The following COL28A1 variants were observed in gnomAD, a reference collection of about 807,000 sequenced individuals.
COL28A1 encodes the protein collagen alpha-1(XXVIII) chain.
In COL28A1, 161 loss-of-function variants were observed where a neutral mutation model predicts 150.2. That is an observed-to-expected ratio of 1.07 (90% CI 0.94 to 1.22). The LOEUF (loss-of-function observed/expected upper bound fraction) is 1.22. Among genes scored for constraint, COL28A1 ranks in the 50% most tolerant of loss-of-function variants. The pLI is 0.00. For missense variants in COL28A1, 1,617 were observed against 1,388.3 expected (o/e 1.16, Z -2.62); for synonymous variants, 552 against 469.7 (o/e 1.18, Z -2.26).
chr7:7,388,927 T>C (rs189320074), intron 27 of COL28A1, among the ~76,000 whole-genome samples: 1 of 152,294 alleles, frequency 6.6e-6, no homozygotes, highest in East Asian at 1.9e-4. Flanking sequence ...TAGCAAAAAT[T>C]TTCTCCCATT....
In COL28A1 at chr7:7,380,774, C is replaced by T; in HGVS notation, c.2286+8G>A. 1 of 1,613,494 alleles carries T rather than the reference C, an allele frequency of 6.2e-7. No homozygotes were observed. Among genetic ancestry groups the T allele is most frequent in the Non-Finnish European group, 8.5e-7 (1 of 1,179,508 alleles). ...TAAAATCACAGTGAGACATTAAAAA[C>T]TACTTGCCTGTTTTCCTGGAGATCC... is the stretch of plus-strand genomic sequence containing the variant. On this transcript the variant is annotated splice_region_variant and intron_variant, in intron 29 of 34. Coordinates refer to ENST00000399429, the MANE Select transcript of COL28A1 (RefSeq NM_001037763.3).
chr7:7,492,280 A>G (rs1299017228), intron 11 of COL28A1, among the ~76,000 whole-genome samples: 1 of 152,140 alleles, frequency 6.6e-6, no homozygotes, highest in Non-Finnish European at 1.5e-5. Flanking sequence ...TTGCTTTACT[A>G]TAAGAAGTCT....
intron 27 of COL28A1, among the ~76,000 whole-genome samples, chr7:7,413,193 A>G (rs955411056): frequency 1.3e-4 from 20 of 152,066 alleles, no homozygotes; most frequent in Non-Finnish European, 1.5e-5. Context: ...CATTGAGGCT[A>G]TTTTTTAAAA....
chr7:7,418,681 T>C (rs1343090044), intron 26 of COL28A1, among the ~76,000 whole-genome samples: 2 of 152,166 alleles, frequency 1.3e-5, no homozygotes, highest in Non-Finnish European at 1.5e-5. Context: ...AAGTCAGTCT[T>C]TTACTTTCCA....
chr7:7,374,038 A>AAAATATATATATATAT, intron 31 of COL28A1, among the ~76,000 whole-genome samples: 1 of 113,658 alleles, frequency 8.8e-6, no homozygotes, highest in African/African-American at 3.8e-5. Context: ...AAAAAAAAAA[A>AAAATATATATATATAT]ATATATATAT....
At chr7:7,459,256 C>T (rs1787410504) in intron 15 of COL28A1, among the ~76,000 whole-genome samples, 2 of 152,236 alleles carry the variant, frequency 1.3e-5, no homozygotes, top group South Asian at 4.1e-4. Flanking sequence ...GTTCTCGCTG[C>T]TCCAAAGGAA....
intron 27 of COL28A1, among the ~76,000 whole-genome samples, chr7:7,390,451 TTC>T (rs1412364116): frequency 6.6e-6 from 1 of 152,154 alleles, no homozygotes; most frequent in Non-Finnish European, 1.5e-5. Context: ...GCCTGAAATT[TTC>T]TCTTTTTGTT....
At chr7:7,493,029 T>G (rs571805958) in intron 11 of COL28A1, among the ~76,000 whole-genome samples, 1 of 146,910 alleles carries the variant, frequency 6.8e-6, no homozygotes, top group East Asian at 2.0e-4. Flanking sequence ...ATATATAATG[T>G]TATATAATAT....
intron 15 of COL28A1, among the ~76,000 whole-genome samples, chr7:7,458,055 G>GC (rs1302368162): frequency 6.6e-6 from 1 of 152,166 alleles, no homozygotes; most frequent in Non-Finnish European, 1.5e-5. Flanking sequence ...CATTTTATTT[G>GC]TAAAAACAGG....
chr7:7,529,289 CAAAAAAA>C (rs5882129), intron 3 of COL28A1, among the ~76,000 whole-genome samples: 1 of 127,310 alleles, frequency 7.9e-6, no homozygotes, highest in Admixed American at 8.3e-5. Flanking sequence ...AACTCTGTCT[CAAAAAAA>C]AAAAAAAAAA....
At chr7:7,381,172 TCCTACATGGTA>T (rs1781852594) in intron 28 of COL28A1, among the ~76,000 whole-genome samples, 1 of 152,196 alleles carries the variant, frequency 6.6e-6, no homozygotes. Flanking sequence ...ATCTGGTATC[TCCTACATGGTA>T]TGTTGTAAGT....
chr7:7,391,449 T>C (rs1379976410), intron 27 of COL28A1, among the ~76,000 whole-genome samples: 2 of 152,172 alleles, frequency 1.3e-5, no homozygotes, highest in Non-Finnish European at 2.9e-5. Context: ...AGAATGCATA[T>C]TCTGCTGATT....
chr7:7,353,231 T>C (rs781780513), downstream of COL28A1, among the ~76,000 whole-genome samples: 28 of 152,172 alleles, frequency 1.8e-4, no homozygotes, highest in Admixed American at 1.2e-3. Context: ...ACTGATAACA[T>C]TGATTACAAG....
chr7:7,488,134 C>T (rs9969154), intron 13 of COL28A1, among the ~76,000 whole-genome samples: 1,664 of 152,238 alleles, frequency 0.011, 23 homozygotes, highest in African/African-American at 0.038. Context: ...GCACTTAGTC[C>T]TGAGGAAGTT....
At chr7:7,339,467 C>T in the COL28A1 span, among the ~76,000 whole-genome samples, 5 of 152,096 alleles carry the variant, frequency 3.3e-5, no homozygotes, top group Admixed American at 6.6e-5. Context: ...TTTTGGCTTT[C>T]GTGCTGAGGC....
At chr7:7,438,340 G>C (rs763824670) in intron 21 of COL28A1, among the ~76,000 whole-genome samples, 22 of 152,216 alleles carry the variant, frequency 1.4e-4, no homozygotes, top group Non-Finnish European at 3.2e-4. Context: ...AATATTTAGA[G>C]TCTCAAAGAC....
chr7:7,343,166 A>ATG, the COL28A1 span, among the ~76,000 whole-genome samples: 1 of 151,014 alleles, frequency 6.6e-6, no homozygotes, highest in African/African-American at 2.4e-5. Flanking sequence ...GTTTCATATT[A>ATG]TATATATATA....
rs903057303 is a variant in COL28A1, at chr7:7,388,897, C to T, written c.2137-7285G>A. ...GTTCTTTGTAGATTCTGGATATTAGCCCTTTGTCAGATGGATAGATAGCAA... is the reference window on the plus strand; with the variant it reads ...GTTCTTTGTAGATTCTGGATATTAGTCCTTTGTCAGATGGATAGATAGCAA... On this transcript the variant is annotated intron_variant, in intron 27 of 34. Coordinates refer to ENST00000399429, the MANE Select transcript of COL28A1 (RefSeq NM_001037763.3). Among the ~76,000 whole-genome samples, 15 of 152,036 alleles carry T rather than the reference C, an allele frequency of 9.9e-5. No homozygotes were observed. The South Asian group carries it at 1.7e-3, about 17-fold the overall frequency.
chr7:7,377,331 C>T (rs1781610457), intron 30 of COL28A1, among the ~76,000 whole-genome samples: 2 of 152,090 alleles, frequency 1.3e-5, no homozygotes, highest in African/African-American at 2.4e-5. Context: ...CTACTTGGTG[C>T]CAATGATGAA....
Sources: allele counts gnomAD v4.1 joint callset (sites outside exome capture counted in the v4.1 genomes callset), GRCh38; gene constraint gnomAD v4.1.1; transcripts MANE v1.5; gene names NCBI Gene and HGNC (gene_info 2026-07-23, HGNC 2026-07-21).